The following REPS2 variants were observed in gnomAD, a reference collection of about 807,000 sequenced individuals.
REPS2 encodes the protein RALBP1 associated Eps domain containing 2, also known as ralBP1-associated Eps domain-containing protein 2.
A neutral mutation model predicts 53.6 loss-of-function variants in REPS2; 23 were observed. That is an observed-to-expected ratio of 0.43 (90% CI 0.31 to 0.61). REPS2 has a LOEUF of 0.61. Among genes scored for constraint, REPS2 ranks in the 20% least tolerant of loss-of-function variants. The pLI is 0.11. For missense variants in REPS2, 446 were observed against 534.9 expected (o/e 0.83, Z 1.64); for synonymous variants, 238 against 218.6 (o/e 1.09, Z -0.78).
intron 7 of REPS2, among the ~76,000 whole-genome samples, chrX:17,053,276 G>A (rs2062026383): frequency 2.7e-5 from 3 of 111,876 alleles, no homozygotes; most frequent in Admixed American, 1.9e-4. Context: ...ATGTATCTGG[G>A]ATTCTGAGCT....
chrX:17,156,553 G>A (rs748036718), downstream of REPS2, among the ~76,000 whole-genome samples: 26 of 110,998 alleles, frequency 2.3e-4, 1 homozygote, highest in African/African-American at 8.5e-4. Context: ...GATGATAAAA[G>A]CCAACTAACT....
intron 1 of REPS2, among the ~76,000 whole-genome samples, chrX:16,951,607 T>C: frequency 9.2e-6 from 1 of 108,463 alleles, no homozygotes; most frequent in African/African-American, 3.4e-5. Flanking sequence ...TCCCAGCTAT[T>C]CTGGAGGCTG....
At chrX:16,974,087 C>T (rs2060926632) in intron 1 of REPS2, among the ~76,000 whole-genome samples, 1 of 111,456 alleles carries the variant, frequency 9.0e-6, no homozygotes, top group Non-Finnish European at 1.9e-5. Context: ...TACATAAGCA[C>T]ACTGTTATTC....
At chrX:16,952,946 C>T (rs1423678708) in intron 1 of REPS2, among the ~76,000 whole-genome samples, 1 of 110,338 alleles carries the variant, frequency 9.1e-6, no homozygotes, top group Admixed American at 9.7e-5. Context: ...GCCAACATAG[C>T]GAAACCCCAT....
intron 8 of REPS2, among the ~76,000 whole-genome samples, chrX:17,056,106 T>G (rs2062066945): frequency 1.8e-5 from 2 of 112,696 alleles, no homozygotes; most frequent in Non-Finnish European, 3.8e-5. Context: ...TATTGTTCTT[T>G]AACTGCTATT....
At chrX:17,087,266 C>G (rs1452764832) in intron 13 of REPS2, among the ~76,000 whole-genome samples, 1 of 112,043 alleles carries the variant, frequency 8.9e-6, no homozygotes, top group Non-Finnish European at 1.9e-5. Context: ...CAAAACTCTT[C>G]AGGACCTACT....
chrX:17,068,323 A>T, intron 9 of REPS2, 79 bp from the exon 10 acceptor site: 1 of 861,332 alleles, frequency 1.2e-6, no homozygotes, highest in Non-Finnish European at 1.6e-6. Flanking sequence ...CAAAAAAAAA[A>T]AATTTTTTTT....
At chrX:17,097,528 A>G (rs1021316242) in intron 13 of REPS2, among the ~76,000 whole-genome samples, 8 of 112,337 alleles carry the variant, frequency 7.1e-5, no homozygotes, top group Non-Finnish European at 1.3e-4. Flanking sequence ...TAAGCAACCA[A>G]TTTAAGATAG....
chrX:17,077,426 C>T lies in REPS2; in HGVS notation c.1516+19C>T, dbSNP rs2062396623. Reference sequence around the variant, plus strand: ...GTGCCAGGTGAAGTGCCCCTTGCCCCCTGAGCCCTTCCATTTCCTGTTGGA... The same window carrying T: ...GTGCCAGGTGAAGTGCCCCTTGCCCTCTGAGCCCTTCCATTTCCTGTTGGA... On this transcript the variant is annotated intron_variant, in intron 13 of 17. Transcript: ENST00000357277. The T allele has an allele frequency of 2.1e-5, 24 of 1,167,483 alleles. No homozygotes were observed. The highest frequency in any genetic ancestry group is 2.7e-5 in the Non-Finnish European group (24 of 873,460).
At chrX:17,119,938 G>A (rs910521618) in intron 14 of REPS2, among the ~76,000 whole-genome samples, 1 of 99,396 alleles carries the variant, frequency 1.0e-5, no homozygotes, top group African/African-American at 3.8e-5. Flanking sequence ...GTGCAGTGGC[G>A]CGATTCTGGC....
intron 1 of REPS2, among the ~76,000 whole-genome samples, chrX:16,977,929 A>G (rs1349495847): frequency 6.3e-5 from 7 of 110,279 alleles, no homozygotes; most frequent in Non-Finnish European, 1.3e-4. Flanking sequence ...TAATTCTAAG[A>G]TAGCTTCTTC....
chrX:17,108,358 A>G (rs1444749647), intron 14 of REPS2, among the ~76,000 whole-genome samples: 1 of 109,461 alleles, frequency 9.1e-6, no homozygotes, highest in African/African-American at 3.3e-5. Flanking sequence ...TTTTTAGTAG[A>G]GATGGGGGTT....
At chrX:17,123,079 C>T (rs907227591) in intron 14 of REPS2, among the ~76,000 whole-genome samples, 2 of 112,026 alleles carry the variant, frequency 1.8e-5, no homozygotes, top group Non-Finnish European at 3.8e-5. Context: ...TTTCTAAAGG[C>T]CTCATAATGA....
chrX:16,953,751 A>C (rs1405510210), intron 1 of REPS2, among the ~76,000 whole-genome samples: 1 of 111,445 alleles, frequency 9.0e-6, no homozygotes, highest in African/African-American at 3.3e-5. Context: ...TCATTGTTAC[A>C]GTGCGGTAGA....
intron 1 of REPS2, among the ~76,000 whole-genome samples, chrX:16,951,000 C>G (rs931276822): frequency 8.9e-6 from 1 of 111,742 alleles, no homozygotes. Context: ...GAACTATGAT[C>G]GCACCATTGC....
chrX:16,997,384 G>T (rs943579184), intron 1 of REPS2, among the ~76,000 whole-genome samples: 1 of 111,975 alleles, frequency 8.9e-6, no homozygotes, highest in African/African-American at 3.3e-5. Flanking sequence ...AACCAGTGGG[G>T]TAGATGCTTC....
chrX:17,141,842 C>G (rs982732237), intron 17 of REPS2, among the ~76,000 whole-genome samples: 1 of 112,363 alleles, frequency 8.9e-6, no homozygotes, highest in Non-Finnish European at 1.9e-5. Flanking sequence ...CCAAAGTAGT[C>G]TATAGATTTA....
chrX:17,182,140 G>A, the REPS2 span, among the ~76,000 whole-genome samples: 6,178 of 101,257 alleles, frequency 0.061, 308 homozygotes, highest in East Asian at 0.13. Context: ...TGCTCTATCT[G>A]TCTATCTATC....
intron 14 of REPS2, among the ~76,000 whole-genome samples, chrX:17,114,975 C>A (rs755190462): frequency 8.9e-6 from 1 of 111,960 alleles, no homozygotes; most frequent in Non-Finnish European, 1.9e-5. Context: ...TTTGTCTTTC[C>A]TCTGGGATTG....
Sources: gnomAD v4.1 joint callset for allele counts (sites outside exome capture counted in the v4.1 genomes callset) on GRCh38, gnomAD v4.1.1 for gene constraint, MANE v1.5 for transcripts, NCBI Gene and HGNC (gene_info 2026-07-23, HGNC 2026-07-21) for gene names.